RGPD2: variants seen among roughly 807,000 people sequenced by gnomAD.
RGPD2 encodes RANBP2 like and GRIP domain containing 2, also known as RANBP2-like and GRIP domain-containing protein 2.
A neutral mutation model predicts 36.0 loss-of-function variants in RGPD2; 2 were observed. The ratio of observed to expected loss-of-function variants is 0.06; its 90% CI spans 0.02 to 0.17. The LOEUF (loss-of-function observed/expected upper bound fraction) is 0.17, where lower values mean the gene tolerates loss of function less well. RGPD2 is among the 10% of genes least tolerant of loss of function. The pLI is 1.00. For synonymous variants in RGPD2, 19 were observed against 163.8 expected (o/e 0.12, Z 6.75); for missense variants, 40 against 464.3 (o/e 0.09, Z 8.40).
chr2:87,888,334 A>G, the RGPD2 span, among the ~76,000 whole-genome samples: 1 of 151,298 alleles, frequency 6.6e-6, no homozygotes, highest in East Asian at 1.9e-4. Flanking sequence ...ATAAATCATT[A>G]TTTGTTAATT....
Position 87,784,237 on chromosome 2 carries a change from A to ACTTTT in RGPD2, c.2782_2786dup (p.Ser929ArgfsTer27). On this transcript the variant is annotated frameshift_variant, in exon 20 of 23. Transcript: ENST00000398146. LOFTEE classifies it high-confidence loss of function. ...CAGTATCATTTTCAAGAGGCTTTTC[A>ACTTTT]CTTTTCTTTTCTTGATTTCCTGGTT... 3.2e-6 allele frequency: 2 copies of ACTTTT among 618,232 alleles called. No individual in the cohort carries two copies. Among genetic ancestry groups the ACTTTT allele is most frequent in the East Asian group, 2.9e-5 (1 of 34,516 alleles). 38.3% of individuals were successfully genotyped at this position (618,232 alleles called of 1,614,324 possible). A position where few individuals can be genotyped will look rare whatever the true frequency, so the allele number is the denominator to read the frequency against.
chr2:87,842,206 C>G, the RGPD2 span, among the ~76,000 whole-genome samples: 1 of 151,816 alleles, frequency 6.6e-6, no homozygotes, highest in African/African-American at 2.4e-5. Flanking sequence ...GAAGTTGTGG[C>G]CAGGGCAATT....
intron 21 of RGPD2, among the ~76,000 whole-genome samples, chr2:87,772,580 C>T (rs1168985050): frequency 6.9e-5 from 3 of 43,446 alleles, no homozygotes; most frequent in Non-Finnish European, 9.6e-5. Context: ...ACATGAAAAC[C>T]GGAACTCCAA....
the RGPD2 span, among the ~76,000 whole-genome samples, chr2:87,882,856 C>T: frequency 5.9e-5 from 9 of 152,114 alleles, no homozygotes; most frequent in Non-Finnish European, 1.3e-4. Flanking sequence ...TTATAAATAA[C>T]ACTGTTTTTT....
intron 22 of RGPD2, among the ~76,000 whole-genome samples, chr2:87,760,850 C>T (rs1684868131): frequency 6.9e-6 from 1 of 144,900 alleles, no homozygotes; most frequent in Non-Finnish European, 1.5e-5. Context: ...ATCTCCTGAC[C>T]TTGCGATCTG....
At chr2:87,915,603 TGTGTATATATATACACATATATATGTGC>T in the RGPD2 span, among the ~76,000 whole-genome samples, 66 of 145,976 alleles carry the variant, frequency 4.5e-4, no homozygotes, top group East Asian at 1.8e-3. Flanking sequence ...TATATATGTG[TGTGTATATATATACACATATATATGTGC>T]GTGTATATAT....
the RGPD2 span, among the ~76,000 whole-genome samples, chr2:87,964,379 CAAAT>C: frequency 3.3e-5 from 5 of 151,760 alleles, no homozygotes; most frequent in Non-Finnish European, 7.4e-5. Context: ...GTATAATTCA[CAAAT>C]AAAAATTGTA....
intron 22 of RGPD2, chr2:87,758,663 CCTT>C: frequency 2.0e-6 from 1 of 496,822 alleles, no homozygotes; most frequent in Non-Finnish European, 3.9e-6. Flanking sequence ...GAGAGCATCT[CCTT>C]CTGCCTTGCT....
At chr2:87,867,681 G>A in the RGPD2 span, among the ~76,000 whole-genome samples, 4 of 151,848 alleles carry the variant, frequency 2.6e-5, no homozygotes, top group African/African-American at 7.2e-5. Flanking sequence ...TGAATATAAG[G>A]CCAAGCTTGC....
chr2:87,870,276 A>G, the RGPD2 span, among the ~76,000 whole-genome samples: 3 of 152,400 alleles, frequency 2.0e-5, no homozygotes, highest in Admixed American at 2.0e-4. Flanking sequence ...CATGTCTTGC[A>G]TGTGCAATCG....
At chr2:87,857,734 T>G in the RGPD2 span, among the ~76,000 whole-genome samples, 23 of 149,298 alleles carry the variant, frequency 1.5e-4, no homozygotes, top group East Asian at 1.0e-3. Context: ...GTCAGGAGAT[T>G]GAGACCATCC....
At chr2:87,858,147 G>T in the RGPD2 span, among the ~76,000 whole-genome samples, 2 of 152,118 alleles carry the variant, frequency 1.3e-5, no homozygotes, top group Non-Finnish European at 2.9e-5. Context: ...GCATGGTGGT[G>T]CGTGCCTGTA....
the RGPD2 span, among the ~76,000 whole-genome samples, chr2:87,880,224 A>T: frequency 6.6e-6 from 1 of 152,132 alleles, no homozygotes; most frequent in South Asian, 2.1e-4. Flanking sequence ...CACTTACTGG[A>T]TATATAATTT....
At chr2:87,957,697 T>A in the RGPD2 span, among the ~76,000 whole-genome samples, 3 of 152,224 alleles carry the variant, frequency 2.0e-5, no homozygotes, top group Admixed American at 2.0e-4. Flanking sequence ...TGGGGGGGAG[T>A]CACAACCATT....
the RGPD2 span, among the ~76,000 whole-genome samples, chr2:87,914,899 A>C: frequency 6.6e-6 from 1 of 152,152 alleles, no homozygotes; most frequent in Non-Finnish European, 1.5e-5. Flanking sequence ...TGCATTTTAA[A>C]AAGGAAACTT....
the RGPD2 span, among the ~76,000 whole-genome samples, chr2:87,966,140 TA>T: frequency 6.6e-6 from 1 of 151,982 alleles, no homozygotes; most frequent in African/African-American, 2.4e-5. Context: ...GTCATCAATC[TA>T]AAGTGACTTC....
intron 7 of RGPD2, among the ~76,000 whole-genome samples, chr2:87,805,297 CA>C (rs1190826016): frequency 2.5e-4 from 2 of 7,862 alleles, no homozygotes; most frequent in Admixed American, 1.3e-3. Context: ...TGAAGCAGGA[CA>C]ATCGCTTGAA....
chr2:87,822,034 C>T (rs1473314135), intron 1 of RGPD2, among the ~76,000 whole-genome samples: 1 of 151,832 alleles, frequency 6.6e-6, no homozygotes, highest in Non-Finnish European at 1.5e-5. Flanking sequence ...AAATGAATCT[C>T]CCTCCCCCTA....
At chr2:87,878,988 C>T in the RGPD2 span, among the ~76,000 whole-genome samples, 1 of 152,090 alleles carries the variant, frequency 6.6e-6, no homozygotes, top group Non-Finnish European at 1.5e-5. Context: ...CATAGTTGGA[C>T]ATTTAGGTTA....
Sources: gnomAD v4.1 joint callset for allele counts (sites outside exome capture counted in the v4.1 genomes callset) on GRCh38, gnomAD v4.1.1 for gene constraint, MANE v1.5 for transcripts, NCBI Gene and HGNC (gene_info 2026-07-23, HGNC 2026-07-21) for gene names.